The following EVI5 variants were observed in gnomAD, a reference collection of about 807,000 sequenced individuals.
The protein encoded by EVI5 is ecotropic viral integration site 5 protein homolog.
EVI5 carries 73 observed loss-of-function variants against 112.0 expected under a neutral mutation model. That is an observed-to-expected ratio of 0.65 (90% CI 0.54 to 0.79). The LOEUF (loss-of-function observed/expected upper bound fraction) is 0.79, where lower values mean the gene tolerates loss of function less well. EVI5 is among the 30% of genes least tolerant of loss of function. The pLI is 0.00. For synonymous variants in EVI5, 305 were observed against 319.9 expected, an observed-to-expected ratio of 0.95 and a Z score of 0.50; for missense variants, 900 against 968.8, an observed-to-expected ratio of 0.93 and a Z score of 0.94.
At chr1:92,653,950 C>A (rs1358523712) in intron 13 of EVI5, among the ~76,000 whole-genome samples, 3 of 152,028 alleles carry the variant, frequency 2.0e-5, no homozygotes, top group Non-Finnish European at 4.4e-5. Context: ...CCTGCCCGGG[C>A]TATGGAACTG....
chr1:92,635,446 G>C (rs1204563892), intron 14 of EVI5, among the ~76,000 whole-genome samples: 1 of 152,202 alleles, frequency 6.6e-6, no homozygotes, highest in Non-Finnish European at 1.5e-5. Context: ...CTAGTAATGA[G>C]TGAGGCTCTG....
intron 1 of EVI5, among the ~76,000 whole-genome samples, chr1:92,759,700 G>T (rs1192929047): frequency 6.6e-6 from 1 of 152,020 alleles, no homozygotes; most frequent in Non-Finnish European, 1.5e-5. Flanking sequence ...ATATAGGTGG[G>T]ATCATACTTA....
intron 9 of EVI5, among the ~76,000 whole-genome samples, chr1:92,686,780 T>A (rs1185270661): frequency 6.6e-6 from 1 of 152,148 alleles, no homozygotes; most frequent in Non-Finnish European, 1.5e-5. Flanking sequence ...ATGAGTGAAC[T>A]CCCATTCACA....
At chr1:92,565,805 C>T (rs1413639087) in intron 18 of EVI5, among the ~76,000 whole-genome samples, 2 of 151,764 alleles carry the variant, frequency 1.3e-5, no homozygotes, top group Non-Finnish European at 2.9e-5. Flanking sequence ...CCTGTCTCTA[C>T]TAAAAATACA....
At chr1:92,746,661 G>A (rs1679290233) in intron 1 of EVI5, among the ~76,000 whole-genome samples, 2 of 152,152 alleles carry the variant, frequency 1.3e-5, no homozygotes, top group Admixed American at 1.3e-4. Flanking sequence ...AGGAGGCCAA[G>A]GCAGAAGGAC....
chr1:92,587,272 T>C (rs947411222), intron 18 of EVI5, among the ~76,000 whole-genome samples: 1 of 152,046 alleles, frequency 6.6e-6, no homozygotes, highest in Non-Finnish European at 1.5e-5. Context: ...ACAGAAGATA[T>C]TTTTTCAAAT....
At chr1:92,750,338 T>C (rs879531769) in intron 1 of EVI5, among the ~76,000 whole-genome samples, 6 of 152,320 alleles carry the variant, frequency 3.9e-5, no homozygotes, top group Non-Finnish European at 7.4e-5. Flanking sequence ...TTAAGAGGTT[T>C]ATTTTAATAC....
chr1:92,607,787 AT>A, intron 16 of EVI5, 60 bp from the exon 17 acceptor site: 1 of 1,137,548 alleles, frequency 8.8e-7, no homozygotes, highest in Non-Finnish European at 1.2e-6. Flanking sequence ...ATTAAAAAAA[AT>A]TACCTATCCA....
At chr1:92,547,636 T>C (rs1306102777) in intron 19 of EVI5, among the ~76,000 whole-genome samples, 1 of 151,906 alleles carries the variant, frequency 6.6e-6, no homozygotes, top group Non-Finnish European at 1.5e-5. Flanking sequence ...AAGAATCAAA[T>C]AGACACAATA....
intron 19 of EVI5, among the ~76,000 whole-genome samples, chr1:92,555,062 T>G (rs919763977): frequency 2.6e-5 from 4 of 152,186 alleles, no homozygotes; most frequent in Non-Finnish European, 5.9e-5. Flanking sequence ...GTGTATGCAT[T>G]TGATGGGCTT....
chr1:92,550,813 TAA>T (rs1666778226), intron 19 of EVI5, among the ~76,000 whole-genome samples: 1 of 80,120 alleles, frequency 1.2e-5, no homozygotes, highest in African/African-American at 5.4e-5. Flanking sequence ...TATATATATA[TAA>T]CAAAAAAAAC....
At chr1:92,665,528 G>A (rs1199768597) in intron 11 of EVI5, among the ~76,000 whole-genome samples, 2 of 152,118 alleles carry the variant, frequency 1.3e-5, no homozygotes. Flanking sequence ...CAGTCACTTC[G>A]ACTAAAAGCA....
intron 9 of EVI5, among the ~76,000 whole-genome samples, chr1:92,691,383 AAAAT>A (rs1485879316): frequency 6.6e-6 from 1 of 152,222 alleles, no homozygotes; most frequent in Non-Finnish European, 1.5e-5. Flanking sequence ...TACTTTGAAA[AAAAT>A]AAATATGACA....
chr1:92,772,322 C>T (rs190735603), intron 1 of EVI5, among the ~76,000 whole-genome samples: 113 of 151,902 alleles, frequency 7.4e-4, no homozygotes, highest in African/African-American at 2.6e-3. Flanking sequence ...ACTGGCCAGG[C>T]GAGGTGGCTC....
At chr1:92,615,621 C>T (rs1423752034) in intron 16 of EVI5, among the ~76,000 whole-genome samples, 1 of 152,140 alleles carries the variant, frequency 6.6e-6, no homozygotes, top group East Asian at 1.9e-4. Flanking sequence ...CCCTCCCCAA[C>T]CCATGCTGCC....
At chr1:92,680,264 G>A (rs1483130480) in intron 9 of EVI5, among the ~76,000 whole-genome samples, 1 of 152,204 alleles carries the variant, frequency 6.6e-6, no homozygotes, top group Non-Finnish European at 1.5e-5. Flanking sequence ...CAGGAGCCAA[G>A]AAGGTATAAG....
intron 13 of EVI5, among the ~76,000 whole-genome samples, chr1:92,637,889 T>C (rs769461546): frequency 6.6e-5 from 10 of 152,196 alleles, no homozygotes; most frequent in Admixed American, 2.6e-4. Context: ...TTATTTCTTC[T>C]AGTAATTTTG....
intron 10 of EVI5, among the ~76,000 whole-genome samples, chr1:92,669,882 G>C (rs985034561): frequency 6.6e-6 from 1 of 151,934 alleles, no homozygotes; most frequent in Non-Finnish European, 1.5e-5. Context: ...AAACCACAGA[G>C]AGGAAGATAC....
chr1:92,721,998 G>A (rs1319732873), intron 2 of EVI5, among the ~76,000 whole-genome samples: 5 of 152,088 alleles, frequency 3.3e-5, no homozygotes, highest in Non-Finnish European at 7.4e-5. Flanking sequence ...AGCACTGTCT[G>A]TAAGTGCTTT....
Sources: gnomAD v4.1 joint callset for allele counts (sites outside exome capture counted in the v4.1 genomes callset) on GRCh38, gnomAD v4.1.1 for gene constraint, MANE v1.5 for transcripts, NCBI Gene and HGNC (gene_info 2026-07-23, HGNC 2026-07-21) for gene names.